The following LRBA variants were observed in gnomAD, a reference collection of about 807,000 sequenced individuals.
LRBA encodes the protein lipopolysaccharide-responsive and beige-like anchor protein.
In LRBA, 176 loss-of-function variants were observed where a neutral mutation model predicts 330.0. That is an observed-to-expected ratio of 0.53 (90% CI 0.47 to 0.60). The LOEUF is 0.60. Among genes scored for constraint, LRBA ranks in the 20% least tolerant of loss-of-function variants. The probability of loss-of-function intolerance (pLI) is 0.00; values close to 1 mark genes in which losing one functional copy is unlikely to be tolerated. For synonymous variants in LRBA, 1,230 were observed against 1,193.0 expected (o/e 1.03, Z -0.64); for missense variants, 3,259 against 3,444.8 (o/e 0.95, Z 1.35).
intron 17 of LRBA, among the ~76,000 whole-genome samples, chr4:150,882,776 T>G (rs1218120641): frequency 1.3e-5 from 2 of 152,054 alleles, no homozygotes; most frequent in South Asian, 2.1e-4. Flanking sequence ...TATTAAAAAT[T>G]TATAACAATT....
chr4:150,689,957 T>C (rs1783970275), intron 36 of LRBA, among the ~76,000 whole-genome samples: 1 of 151,528 alleles, frequency 6.6e-6, no homozygotes, highest in South Asian at 2.1e-4. Flanking sequence ...TACAACAGCA[T>C]GAAAAATATG....
chr4:150,840,909 AT>A, intron 28 of LRBA: 1 of 1,079,754 alleles, frequency 9.3e-7, no homozygotes. Flanking sequence ...AATGTCAAAA[AT>A]TTTGGATATA....
intron 17 of LRBA, among the ~76,000 whole-genome samples, chr4:150,890,919 T>A (rs1201215): frequency 0.98 from 149,164 of 152,122 alleles, 73,195 homozygotes; most frequent in South Asian, 1. Context: ...TTTTTTTTTT[T>A]AAAAGTGGTA....
intron 34 of LRBA, among the ~76,000 whole-genome samples, chr4:150,775,857 G>A (rs1211354017): frequency 4.9e-5 from 7 of 142,756 alleles, no homozygotes; most frequent in Non-Finnish European, 9.1e-5. Flanking sequence ...GGAGAGGAAG[G>A]ACGAGTAAGG....
At chr4:150,668,295 C>T (rs1404139532) in intron 37 of LRBA, among the ~76,000 whole-genome samples, 3 of 152,152 alleles carry the variant, frequency 2.0e-5, no homozygotes, top group Non-Finnish European at 2.9e-5. Context: ...AAACTATTCC[C>T]TAGGCTGACT....
intron 37 of LRBA, among the ~76,000 whole-genome samples, chr4:150,668,141 AG>A (rs1206097165): frequency 6.6e-6 from 1 of 152,234 alleles, no homozygotes; most frequent in African/African-American, 2.4e-5. Flanking sequence ...TGGGTATGGG[AG>A]AAAATATAAA....
At chr4:150,970,590 A>G (rs1311526489) in intron 2 of LRBA, 2 of 145,072 alleles carry the variant, frequency 1.4e-5, no homozygotes, top group Non-Finnish European at 3.0e-5. Flanking sequence ...CACACACAAA[A>G]GTATACTGTA....
chr4:150,362,524 C>T (rs1738866896), intron 47 of LRBA, among the ~76,000 whole-genome samples: 1 of 152,050 alleles, frequency 6.6e-6, no homozygotes, highest in Admixed American at 6.6e-5. Flanking sequence ...TAACACACAC[C>T]AAAATTAGCT....
chr4:150,338,863 GTC>G (rs546238852), intron 48 of LRBA, among the ~76,000 whole-genome samples: 175 of 152,062 alleles, frequency 1.2e-3, no homozygotes, highest in Non-Finnish European at 1.8e-3. Flanking sequence ...GAGCTTTCTA[GTC>G]TCTCACTTTA....
At chr4:150,346,906 G>C (rs1736440316) in intron 48 of LRBA, among the ~76,000 whole-genome samples, 1 of 151,902 alleles carries the variant, frequency 6.6e-6, no homozygotes, top group African/African-American at 2.4e-5. Flanking sequence ...AACAGATGGT[G>C]TACATCCATA....
rs1228214469 is a variant in LRBA, at chr4:150,852,205, T to A, written c.3505A>T (p.Thr1169Ser). 2 of 1,614,030 alleles carry A rather than the reference T, an allele frequency of 1.2e-6. No individual in the cohort carries two copies. The highest frequency in any genetic ancestry group is 1.7e-6 in the Non-Finnish European group (2 of 1,180,012). ...GKPVTEKQTD[T>S]ETQDSKDSGI... ...GAATCTTTAGAATCTTGAGTTTCAG[T>A]ATCAGTTTGCTTTTCAGTAACAGGT... The change falls in exon 23 of 57, where the codon ACT becomes TCT. Residue 1169 changes from threonine (T) to serine (S), a missense_variant. Coordinates refer to ENST00000651943, the MANE Select transcript of LRBA (RefSeq NM_001364905.1).
At chr4:150,793,518 T>TC (rs754871320) in intron 34 of LRBA, among the ~76,000 whole-genome samples, 61 of 152,316 alleles carry the variant, frequency 4.0e-4, no homozygotes, top group Admixed American at 3.1e-3. Flanking sequence ...TGACTTATGA[T>TC]CCATGTTACC....
chr4:150,686,366 T>C (rs1351206897), intron 36 of LRBA, among the ~76,000 whole-genome samples: 1 of 152,174 alleles, frequency 6.6e-6, no homozygotes, highest in South Asian at 2.1e-4. Context: ...TTAAAAAAGA[T>C]TGACCCAAAC....
intron 36 of LRBA, among the ~76,000 whole-genome samples, chr4:150,705,053 T>C (rs1030737718): frequency 6.6e-6 from 1 of 152,130 alleles, no homozygotes; most frequent in African/African-American, 2.4e-5. Flanking sequence ...ACTACATGAA[T>C]AAAAATTTGA....
chr4:150,374,970 A>C (rs1741021942), intron 47 of LRBA, among the ~76,000 whole-genome samples: 1 of 152,236 alleles, frequency 6.6e-6, no homozygotes, highest in Non-Finnish European at 1.5e-5. Flanking sequence ...TCTGAAGATA[A>C]TTTAATAAAG....
At chr4:150,837,623 T>C (rs944469339) in intron 28 of LRBA, among the ~76,000 whole-genome samples, 11 of 152,214 alleles carry the variant, frequency 7.2e-5, no homozygotes, top group African/African-American at 2.7e-4. Context: ...CCCCTGCCTT[T>C]TTTTGTTTTC....
intron 2 of LRBA, chr4:150,970,560 C>CGTGTGT (rs1561074259): frequency 0.019 from 412 of 21,772 alleles, 2 homozygotes; most frequent in African/African-American, 0.031. Context: ...TGTGTGTACA[C>CGTGTGT]ACACACACAC....
rs779979449 is a variant in LRBA, at chr4:150,583,701, G to C, written c.6330+4347C>G. 5.6e-6 allele frequency: 9 copies of C among 1,613,378 alleles called. No individual in the cohort carries two copies. Among genetic ancestry groups the C allele is most frequent in the Admixed American group, 3.3e-5 (2 of 59,932 alleles). ...ACTCGCTGACCGGCAAGCAGAGCTC[G>C]GCAGAGAGCGACGCCTGGGTGCTAC... is the stretch of plus-strand genomic sequence containing the variant. On this transcript the variant is annotated intron_variant, in intron 40 of 56. Transcript: ENST00000651943. This position sits in a 1 kb window ranked among gnomAD's most constrained non-coding sequence, Gnocchi z 9.8.
intron 2 of LRBA, among the ~76,000 whole-genome samples, chr4:150,956,000 G>A (rs1265651825): frequency 6.7e-6 from 1 of 148,980 alleles, no homozygotes; most frequent in African/African-American, 2.6e-5. Flanking sequence ...CAGAAGAAAT[G>A]AATGAAACAA....
Sources: gnomAD v4.1 joint callset for allele counts (sites outside exome capture counted in the v4.1 genomes callset) on GRCh38, gnomAD v4.1.1 for gene constraint, Gnocchi (gnomAD v3.1) non-coding constraint, MANE v1.5 for transcripts, NCBI Gene and HGNC (gene_info 2026-07-23, HGNC 2026-07-21) for gene names.